The following ZBTB26 variants were observed in gnomAD, a reference collection of about 807,000 sequenced individuals.
ZBTB26 encodes zinc finger and BTB domain-containing protein 26.
Under a neutral mutation model 31.6 loss-of-function variants are expected in ZBTB26, and 12 were observed. That is an observed-to-expected ratio of 0.38 (90% CI 0.24 to 0.61). The LOEUF is 0.61. Among genes scored for constraint, ZBTB26 ranks in the 20% least tolerant of loss-of-function variants. ZBTB26 has a pLI of 0.60. For missense variants in ZBTB26, 311 were observed against 521.9 expected (o/e 0.60, Z 3.94); for synonymous variants, 155 against 182.9 (o/e 0.85, Z 1.23).
In ZBTB26 at chr9:122,916,217, T is replaced by C. The variant is rs1462313701; in HGVS notation, c.*2392A>G. The stretch of plus-strand genomic sequence containing the variant: ...TACTGATACAAAAGCACAAAGTTGC[T>C]GATTTTAACTGATCGAATACAGCAA... On this transcript the variant is annotated 3_prime_UTR_variant, in exon 2 of 2. Transcript: ENST00000373656. The C allele has an allele frequency of 6.6e-6, 1 of 152,254 alleles. No homozygotes were observed. The highest frequency in any genetic ancestry group is 1.9e-4 in the East Asian group (1 of 5,202). 9.4% of individuals were successfully genotyped at this position (152,254 alleles called of 1,614,324 possible).
intron 1 of ZBTB26, among the ~76,000 whole-genome samples, chr9:122,928,617 AT>A (rs573811768): frequency 5.3e-4 from 81 of 152,084 alleles, no homozygotes; most frequent in Non-Finnish European, 9.9e-4. Flanking sequence ...TAAGTCTCCA[AT>A]TTTTTGCTAT....
Position 122,918,351 on chromosome 9 carries a change from G to A in ZBTB26, c.*258C>T. The A allele has an allele frequency of 2.2e-6, 1 of 461,978 alleles. No homozygotes were observed. The highest frequency in any genetic ancestry group is 3.8e-6 in the Non-Finnish European group (1 of 261,184). 28.6% of individuals were successfully genotyped at this position (461,978 alleles called of 1,614,324 possible). The stretch of plus-strand genomic sequence containing the variant: ...AGTCTAAGACATAAGTCAATGTTAG[G>A]TAGACAAAAGGAATTATTCCTTGGG... On this transcript the variant is annotated 3_prime_UTR_variant, in exon 2 of 2. Coordinates refer to ENST00000373656, the MANE Select transcript of ZBTB26 (RefSeq NM_020924.4).
intron 1 of ZBTB26, among the ~76,000 whole-genome samples, chr9:122,927,820 GTTTA>G (rs1833205801): frequency 6.6e-6 from 1 of 151,850 alleles, no homozygotes; most frequent in African/African-American, 2.4e-5. Flanking sequence ...CTTGCATTTT[GTTTA>G]TTTATTTATA....
Position 122,919,908 on chromosome 9 carries a change from G to T in ZBTB26, c.27C>A (p.His9Gln). Residue 9 changes from histidine to glutamine, a missense_variant, in exon 2 of 2, where the codon CAC (histidine) becomes CAA (glutamine). His to Gln is a conservative substitution (Grantham distance 24). This residue lies in a region of ZBTB26 where 25 missense variants were observed against 32.3 expected (regional missense o/e 0.77). Transcript: ENST00000373656. The surrounding 1 kb of genome is among the most constrained non-coding windows in gnomAD (Gnocchi z 6.1). Reference sequence around the variant, plus strand: ...AATCTCCATAATTTTCAAACTTGAAGTGAAGGAGATCTGATCTTTCAGACA... The same window carrying T: ...AATCTCCATAATTTTCAAACTTGAATTGAAGGAGATCTGATCTTTCAGACA... MSERSDLL[H>Q]FKFENYGDSM... 1 of 1,600,824 alleles carries T rather than the reference G, an allele frequency of 6.2e-7. No homozygotes were observed. Among genetic ancestry groups the T allele is most frequent in the South Asian group, 1.1e-5 (1 of 88,716 alleles).
At position 122,919,763 on chromosome 9, in the gene ZBTB26, A is replaced by G. The variant is rs1167014272; in HGVS notation, c.172T>C (p.Leu58=). 7.4e-6 allele frequency: 12 copies of G among 1,614,180 alleles called. No homozygotes were observed. The highest frequency in any genetic ancestry group is 1.0e-5 in the Non-Finnish European group (12 of 1,180,040). ...TCATTCAGTAAAAATTGGTCTCTTA[A>G]GAAGGGGGAACCTGCAGCAAACACA... The part of the protein sequence containing the change: ...KIVFAAGSPF[L]RDQFLLNDSR... Residue 58 remains leucine (L), a synonymous_variant, in exon 2 of 2, where the codon TTA becomes CTA. Coordinates refer to ENST00000373656, the MANE Select transcript of ZBTB26 (RefSeq NM_020924.4). The surrounding 1 kb of genome is among the most constrained non-coding windows in gnomAD (Gnocchi z 6.1).
chr9:122,922,577 C>A (rs1187933650), intron 1 of ZBTB26, among the ~76,000 whole-genome samples: 2 of 152,188 alleles, frequency 1.3e-5, no homozygotes, highest in East Asian at 1.9e-4. Context: ...CTCTTCTGTT[C>A]AAATCAGTGT....
In ZBTB26 at chr9:122,917,605, TATC is replaced by T. The variant is rs1350215404; in HGVS notation, c.*1001_*1003del. Reference sequence around the variant, plus strand: ...CCCCTTCTGTGTCCAACCTAACTTTTATCATCCGTTTTAGAAATTAAGGTACAT... The same window carrying T: ...CCCCTTCTGTGTCCAACCTAACTTTTATCCGTTTTAGAAATTAAGGTACAT... On this transcript the variant is annotated 3_prime_UTR_variant, in exon 2 of 2. Coordinates refer to ENST00000373656, the MANE Select transcript of ZBTB26 (RefSeq NM_020924.4). The T allele has an allele frequency of 6.6e-6, 1 of 151,426 alleles. No individual in the cohort carries two copies. Among genetic ancestry groups the T allele is most frequent in the African/African-American group, 2.4e-5 (1 of 41,406 alleles). 9.4% of individuals were successfully genotyped at this position (151,426 alleles called of 1,614,324 possible). A position where few individuals can be genotyped will look rare whatever the true frequency, so the allele number is the denominator to read the frequency against.
At chr9:122,922,744 G>A (rs1833118980) in intron 1 of ZBTB26, among the ~76,000 whole-genome samples, 1 of 152,134 alleles carries the variant, frequency 6.6e-6, no homozygotes, top group East Asian at 1.9e-4. Flanking sequence ...GGCCATGATG[G>A]CCTAGAAAGA....
intron 1 of ZBTB26, among the ~76,000 whole-genome samples, chr9:122,921,844 T>C (rs1281052782): frequency 1.3e-5 from 2 of 151,884 alleles, no homozygotes; most frequent in Non-Finnish European, 2.9e-5. Flanking sequence ...GGCTGGAGAA[T>C]CACTTGAACC....
In ZBTB26 at chr9:122,916,047, G is replaced by A. The variant is rs1377714770; in HGVS notation, c.*2562C>T. ...CTTTGCAATATAATCTAACAAACAC[G>A]TATAAGCAAAGAAGGAGGAAAGTGA... On this transcript the variant is annotated 3_prime_UTR_variant, in exon 2 of 2. Transcript: ENST00000373656. 2 of 152,102 alleles carry A rather than the reference G, an allele frequency of 1.3e-5. No individual in the cohort carries two copies. The highest frequency in any genetic ancestry group is 2.9e-5 in the Non-Finnish European group (2 of 68,022). The allele number at this position is 152,102 out of a possible 1,614,324, so 9.4% of individuals were successfully genotyped here.
In ZBTB26 at chr9:122,917,000, A is replaced by G. The variant is rs1251280219; in HGVS notation, c.*1609T>C. On this transcript the variant is annotated 3_prime_UTR_variant, in exon 2 of 2. Coordinates refer to ENST00000373656, the MANE Select transcript of ZBTB26 (RefSeq NM_020924.4). ...AACTTCGCATTTAGATTCTTCTCAC[A>G]TTATTCTTGCTTTTTCCCTCCCTAA... 2 of 152,208 alleles carry G rather than the reference A, an allele frequency of 1.3e-5. No individual in the cohort carries two copies. Among genetic ancestry groups the G allele is most frequent in the African/African-American group, 4.8e-5 (2 of 41,454 alleles). 9.4% of individuals were successfully genotyped at this position (152,208 alleles called of 1,614,324 possible).
rs1002636842 is a variant in ZBTB26, at chr9:122,916,269, T to C, written c.*2340A>G. 3 of 152,252 alleles carry C rather than the reference T, an allele frequency of 2.0e-5. No individual in the cohort carries two copies. The highest frequency in any genetic ancestry group is 7.2e-5 in the African/African-American group (3 of 41,464). The allele number at this position is 152,252 out of a possible 1,614,324, so 9.4% of individuals were successfully genotyped here. A position where few individuals can be genotyped will look rare whatever the true frequency, so the allele number is the denominator to read the frequency against. On this transcript the variant is annotated 3_prime_UTR_variant, in exon 2 of 2. Transcript: ENST00000373656. ...GCAGCTTTCTTTATTATTTCTAGTATAAAAGCAAATTGAGACTTTGTTTCA... is the reference window on the plus strand; with the variant it reads ...GCAGCTTTCTTTATTATTTCTAGTACAAAAGCAAATTGAGACTTTGTTTCA...
At chr9:122,927,578 G>A (rs1419009904) in intron 1 of ZBTB26, among the ~76,000 whole-genome samples, 1 of 152,084 alleles carries the variant, frequency 6.6e-6, no homozygotes, top group African/African-American at 2.4e-5. Context: ...TTCTAAAGAG[G>A]CTGTATTATA....
intron 1 of ZBTB26, among the ~76,000 whole-genome samples, chr9:122,923,078 G>C (rs1198297901): frequency 6.6e-6 from 1 of 151,818 alleles, no homozygotes; most frequent in Admixed American, 6.6e-5. Context: ...CAGCTACTCG[G>C]GAGGCTGAGG....
At chr9:122,926,631 T>G (rs1244073244) in intron 1 of ZBTB26, among the ~76,000 whole-genome samples, 6 of 152,244 alleles carry the variant, frequency 3.9e-5, no homozygotes, top group Non-Finnish European at 8.8e-5. Flanking sequence ...TTGTTTTTGT[T>G]ATGCTTCAAA....
In ZBTB26 at chr9:122,931,458, T is replaced by A. The variant is rs577626210; in HGVS notation, c.-32A>T. The stretch of plus-strand genomic sequence containing the variant: ...TTACAGACCCGGGGGAAGGCCGCCG[T>A]CAGGATCCGGCACCGCCAGGAGCTC... On this transcript the variant is annotated 5_prime_UTR_variant, in exon 1 of 2. Transcript: ENST00000373656. 6.6e-6 allele frequency: 1 copy of A among 152,474 alleles called. No homozygotes were observed. Among genetic ancestry groups the A allele is most frequent in the African/African-American group, 2.4e-5 (1 of 41,456 alleles). The allele number at this position is 152,474 out of a possible 1,614,324, so 9.4% of individuals were successfully genotyped here. A position where few individuals can be genotyped will look rare whatever the true frequency, so the allele number is the denominator to read the frequency against.
intron 1 of ZBTB26, among the ~76,000 whole-genome samples, chr9:122,923,183 C>CAAA (rs143122693): frequency 1.7e-5 from 2 of 116,352 alleles, no homozygotes; most frequent in Admixed American, 9.8e-5. Context: ...GACTCCATCT[C>CAAA]AAAAAAAAAA....
Position 122,918,609 on chromosome 9 carries a change from T to A in ZBTB26, c.1326A>T (p.Ter442CysextTer28). 6.2e-7 allele frequency: 1 copy of A among 1,609,416 alleles called. No individual in the cohort carries two copies. Among genetic ancestry groups the A allele is most frequent in the South Asian group, 1.1e-5 (1 of 90,368 alleles). ...CGAGTTGTGAGCATGAAGCCCCTAC[T>A]CAATTCACACAAGTACTATCATTTC... ...NLRNDSTCVN* is the reference protein window; with the variant it reads ...NLRNDSTCVNC Residue 442 changes from the stop codon to cysteine, a stop_lost, in exon 2 of 2, where the codon TGA becomes TGT. Transcript: ENST00000373656.
intron 1 of ZBTB26, among the ~76,000 whole-genome samples, chr9:122,922,427 A>G (rs1207822403): frequency 6.6e-6 from 1 of 152,124 alleles, no homozygotes; most frequent in African/African-American, 2.4e-5. Context: ...TCCAAACTCC[A>G]AGTTTCATGG....
Sources: gnomAD v4.1 joint callset for allele counts (sites outside exome capture counted in the v4.1 genomes callset) on GRCh38, gnomAD v4.1.1 for gene constraint, gnomAD v4.1.1 regional missense constraint, Gnocchi (gnomAD v3.1) non-coding constraint, MANE v1.5 for transcripts, NCBI Gene and HGNC (gene_info 2026-07-23, HGNC 2026-07-21) for gene names.